The following NKX2-8 variants were observed in gnomAD, a reference collection of about 807,000 sequenced individuals.
NKX2-8 encodes homeobox protein Nkx-2.8.
A neutral mutation model predicts 6.4 loss-of-function variants in NKX2-8; 8 were observed. That is an observed-to-expected ratio of 1.24 (90% confidence interval 0.73 to 2.24). NKX2-8 has a LOEUF of 2.24. Ranked by LOEUF, NKX2-8 falls within the 30% of genes most tolerant of loss-of-function variation. The pLI is 0.00. For synonymous variants in NKX2-8, 216 were observed against 171.5 expected, an observed-to-expected ratio of 1.26 and a Z score of -2.03; for missense variants, 406 against 351.1, an observed-to-expected ratio of 1.16 and a Z score of -1.25.
chr14:36,582,499 G>T lies in NKX2-8; in HGVS notation c.-110C>A. 1.8e-6 allele frequency: 2 copies of T among 1,090,352 alleles called. No homozygotes were observed. The highest frequency in any genetic ancestry group is 1.3e-6 in the Non-Finnish European group (1 of 784,124). The allele number at this position is 1,090,352 out of a possible 1,614,324, so 67.5% of individuals were successfully genotyped here. ...AGGCGCTCGCCATGCGCTGGCAGCC[G>T]GGATATTAGCGCATTTACAGCGGAA... On this transcript the variant is annotated 5_prime_UTR_variant, in exon 1 of 2. Transcript: ENST00000258829.
rs180686469 is a variant in NKX2-8, at chr14:36,580,746, G to A, written c.*156C>T. ...ACACGTCCCTCGTGTGTGCTTGCGC[G>A]ACGGCTGATGAGGGCGCGCCAGGGA... On this transcript the variant is annotated 3_prime_UTR_variant, in exon 2 of 2. Transcript: ENST00000258829. The A allele has an allele frequency of 1.3e-4, 60 of 446,050 alleles. No individual in the cohort carries two copies. The highest frequency in any genetic ancestry group is 1.2e-3 in the African/African-American group (57 of 49,470). 27.6% of individuals were successfully genotyped at this position (446,050 alleles called of 1,614,324 possible). A position where few individuals can be genotyped will look rare whatever the true frequency, so the allele number is the denominator to read the frequency against.
At position 36,581,083 on chromosome 14, in the gene NKX2-8, G is replaced by A; in HGVS notation, c.539C>T (p.Pro180Leu). Reference protein sequence around the residue: ...VVPVLVRDGQPCGGGGGGEVG... With the variant: ...VVPVLVRDGQLCGGGGGGEVG... ...CTCGCCACCGCCGCCGCCGCCGCAC[G>A]GCTGCCCGTCGCGAACAAGCACCGG... The change falls in exon 2 of 2, where the codon CCG (proline) becomes CTG (leucine). Residue 180 changes from proline (P) to leucine (L), a missense_variant. Physicochemically the swap from Pro to Leu is moderately conservative, Grantham distance 98 (BLOSUM62 -3). Transcript: ENST00000258829. The surrounding 1 kb of genome is among the most constrained non-coding windows in gnomAD (Gnocchi z 5.6). 7.1e-7 allele frequency: 1 copy of A among 1,408,814 alleles called. No individual in the cohort carries two copies. The highest frequency in any genetic ancestry group is 9.1e-7 in the Non-Finnish European group (1 of 1,093,514). 87.3% of individuals were successfully genotyped at this position (1,408,814 alleles called of 1,614,324 possible).
rs1879222706 is a variant in NKX2-8 at position 36,581,235 on chromosome 14, C to T, written c.387G>A (p.Lys129=). ...TGTAGCGATGATTCTGGAACCAGAT[C>T]TTGACCTGCGTGGGCGTGAGGCGAA... ...SLLRLTPTQV[K]IWFQNHRYKL... is the part of the protein sequence containing the mutation. Residue 129 remains lysine (K), a synonymous_variant, in exon 2 of 2, where the codon AAG becomes AAA. Transcript: ENST00000258829. The surrounding 1 kb of genome is among the most constrained non-coding windows in gnomAD (Gnocchi z 5.6). 3.1e-6 allele frequency: 5 copies of T among 1,611,082 alleles called. No homozygotes were observed. The highest frequency in any genetic ancestry group is 4.2e-6 in the Non-Finnish European group (5 of 1,179,348).
In NKX2-8 at chr14:36,581,330, C is replaced by G; in HGVS notation, c.292G>C (p.Glu98Gln). ...RVLFSKAQTL[E>Q]LERRFRQQRY... ...TGCTGCCGGAAGCGCCGCTCCAACT[C>G]CAGCGTCTGCGCCTTGGAGAATAGC... Residue 98 changes from glutamate to glutamine, a missense_variant, in exon 2 of 2, where the codon GAG becomes CAG. Coordinates refer to ENST00000258829, the MANE Select transcript of NKX2-8 (RefSeq NM_014360.4). This position sits in a 1 kb window ranked among gnomAD's most constrained non-coding sequence, Gnocchi z 5.6. The G allele has an allele frequency of 6.3e-7, 1 of 1,577,988 alleles. No homozygotes were observed.
At position 36,581,058 on chromosome 14, in the gene NKX2-8, C is replaced by T. The variant is rs1594434412; in HGVS notation, c.564G>A (p.Glu188=). The stretch of plus-strand genomic sequence containing the variant: ...TCTCCTGGGCCGCGGCGGTTCCCAC[C>T]TCGCCACCGCCGCCGCCGCCGCACG... ...GQPCGGGGGG[E]VGTAAAQEKC... is the part of the protein sequence containing the mutation. The change falls in exon 2 of 2, where the codon GAG becomes GAA. Residue 188 remains glutamate (E), a synonymous_variant. Transcript: ENST00000258829. The surrounding 1 kb of genome is among the most constrained non-coding windows in gnomAD (Gnocchi z 5.6). 1 of 1,379,860 alleles carries T rather than the reference C, an allele frequency of 7.2e-7. No homozygotes were observed. The highest frequency in any genetic ancestry group is 2.4e-4 in the Middle Eastern group (1 of 4,214). The allele number at this position is 1,379,860 out of a possible 1,614,324, so 85.5% of individuals were successfully genotyped here.
Position 36,581,148 on chromosome 14 carries a change from C to T in NKX2-8, c.474G>A (p.Glu158=). 1 of 1,564,510 alleles carries T rather than the reference C, an allele frequency of 6.4e-7. No homozygotes were observed. The highest frequency in any genetic ancestry group is 1.2e-5 in the South Asian group (1 of 85,750). Residue 158 remains glutamate, a synonymous_variant, in exon 2 of 2, where the codon GAG becomes GAA. Transcript: ENST00000258829. The surrounding 1 kb of genome is among the most constrained non-coding windows in gnomAD (Gnocchi z 5.6). The part of the protein sequence containing the change: ...AESPDLAASA[E]LHAAPGLLRR... Reference sequence around the variant, plus strand: ...GCAGCAGGCCGGGCGCGGCGTGCAGCTCGGCGGATGCTGCCAGGTCAGGCG... The same window carrying T: ...GCAGCAGGCCGGGCGCGGCGTGCAGTTCGGCGGATGCTGCCAGGTCAGGCG...
chr14:36,580,930 G>T lies in NKX2-8; in HGVS notation c.692C>A (p.Ser231Tyr). 7.5e-7 allele frequency: 1 copy of T among 1,336,572 alleles called. No individual in the cohort carries two copies. 82.8% of individuals were successfully genotyped at this position (1,336,572 alleles called of 1,614,324 possible). Reference protein sequence around the residue: ...GLFPAYQHLASPALVSWNW With the variant: ...GLFPAYQHLAYPALVSWNW Reference sequence around the variant, plus strand: ...CCAGTTCCAGGAGACCAGGGCGGGGGATGCTAAGTGCTGGTAGGCGGGGAA... The same window carrying T: ...CCAGTTCCAGGAGACCAGGGCGGGGTATGCTAAGTGCTGGTAGGCGGGGAA... The change falls in exon 2 of 2, where the codon TCC (serine) becomes TAC (tyrosine). Residue 231 changes from serine (S) to tyrosine (Y), a missense_variant. By Grantham distance (144) the Ser-to-Tyr change is moderately radical. Transcript: ENST00000258829.
chr14:36,581,355 C>T lies in NKX2-8; in HGVS notation c.267G>A (p.Val89=). ...SDAEKRKKRR[V]LFSKAQTLEL... ...CCAGCGTCTGCGCCTTGGAGAATAG[C>T]ACCCGCCGCTTCTTCCTTTTCTCGG... Residue 89 remains valine (V), a synonymous_variant, in exon 2 of 2, where the codon GTG becomes GTA. Transcript: ENST00000258829. The surrounding 1 kb of genome is among the most constrained non-coding windows in gnomAD (Gnocchi z 5.6). 6.4e-7 allele frequency: 1 copy of T among 1,570,334 alleles called. No individual in the cohort carries two copies. Among genetic ancestry groups the T allele is most frequent in the Non-Finnish European group, 8.6e-7 (1 of 1,157,190 alleles).
chr14:36,580,868 A>C lies in NKX2-8; in HGVS notation c.*34T>G. The C allele has an allele frequency of 7.9e-7, 1 of 1,270,066 alleles. No individual in the cohort carries two copies. The allele number at this position is 1,270,066 out of a possible 1,614,324, so 78.7% of individuals were successfully genotyped here. ...GCTCCAATCGCAGAGCGCGCTCCAAAGTCGAGGGTAGCCCCAGGTGCCGCC... is the reference window on the plus strand; with the variant it reads ...GCTCCAATCGCAGAGCGCGCTCCAACGTCGAGGGTAGCCCCAGGTGCCGCC... On this transcript the variant is annotated 3_prime_UTR_variant, in exon 2 of 2. Coordinates refer to ENST00000258829, the MANE Select transcript of NKX2-8 (RefSeq NM_014360.4).
Position 36,581,975 on chromosome 14 carries a change from T to A in NKX2-8, c.157+258A>T. Among the ~76,000 whole-genome samples the A allele has an allele frequency of 6.6e-6, 1 of 151,930 alleles. No individual in the cohort carries two copies. The highest frequency in any genetic ancestry group is 1.9e-4 in the East Asian group (1 of 5,144). ...GCGGCGCGTTTTAAATTTCAATTAT[T>A]CCGACCTCTAGAAATCGTCAGACAC... On this transcript the variant is annotated intron_variant, in intron 1 of 1. Transcript: ENST00000258829. This position sits in a 1 kb window ranked among gnomAD's most constrained non-coding sequence, Gnocchi z 5.6.
Position 36,581,040 on chromosome 14 carries a change from G to T in NKX2-8, c.582C>A (p.Ala194=), listed in dbSNP as rs1950469579. The stretch of plus-strand genomic sequence containing the variant: ...CTGGAGGGGCGCCGCACTTCTCCTG[G>T]GCCGCGGCGGTTCCCACCTCGCCAC... ...GGGGEVGTAA[A]QEKCGAPPAA... The change falls in exon 2 of 2, where the codon GCC becomes GCA. Residue 194 remains alanine (A), a synonymous_variant. Transcript: ENST00000258829. The surrounding 1 kb of genome is among the most constrained non-coding windows in gnomAD (Gnocchi z 5.6). 1 of 1,367,536 alleles carries T rather than the reference G, an allele frequency of 7.3e-7. No homozygotes were observed. The highest frequency in any genetic ancestry group is 9.3e-7 in the Non-Finnish European group (1 of 1,072,264). 84.7% of individuals were successfully genotyped at this position (1,367,536 alleles called of 1,614,324 possible). A position where few individuals can be genotyped will look rare whatever the true frequency, so the allele number is the denominator to read the frequency against.
chr14:36,580,821 C>T lies in NKX2-8; in HGVS notation c.*81G>A, dbSNP rs1357443649. 13 of 1,048,764 alleles carry T rather than the reference C, an allele frequency of 1.2e-5. No homozygotes were observed. The highest frequency in any genetic ancestry group is 1.5e-5 in the Non-Finnish European group (12 of 817,560). The allele number at this position is 1,048,764 out of a possible 1,614,324, so 65.0% of individuals were successfully genotyped here. A position where few individuals can be genotyped will look rare whatever the true frequency, so the allele number is the denominator to read the frequency against. ...TGCAGGGAGGCGGACGGAGAGCGTT[C>T]CAGGCGTTCGGCTCCGGCCCTGCTC... On this transcript the variant is annotated 3_prime_UTR_variant, in exon 2 of 2. Transcript: ENST00000258829.
In NKX2-8 at chr14:36,581,059, T is replaced by TCGCCACCGC. The variant is rs564201727; in HGVS notation, c.554_562dup (p.Gly185_Gly187dup). 15 of 1,379,386 alleles carry TCGCCACCGC rather than the reference T, an allele frequency of 1.1e-5. No homozygotes were observed. The African/African-American group carries it at 1.7e-4, about 15-fold the overall frequency. The allele number at this position is 1,379,386 out of a possible 1,614,324, so 85.4% of individuals were successfully genotyped here. A position where few individuals can be genotyped will look rare whatever the true frequency, so the allele number is the denominator to read the frequency against. ...CTCCTGGGCCGCGGCGGTTCCCACCTCGCCACCGCCGCCGCCGCCGCACGG... is the reference window on the plus strand; with the variant it reads ...CTCCTGGGCCGCGGCGGTTCCCACCTCGCCACCGCCGCCACCGCCGCCGCCGCCGCACGG... On this transcript the variant is annotated inframe_insertion, in exon 2 of 2. Transcript: ENST00000258829. The surrounding 1 kb of genome is among the most constrained non-coding windows in gnomAD (Gnocchi z 5.6).
chr14:36,580,888 G>A lies in NKX2-8; in HGVS notation c.*14C>T. Reference sequence around the variant, plus strand: ...TCCAAAGTCGAGGGTAGCCCCAGGTGCCGCCCTGCGGCCTCACCAGTTCCA... The same window carrying A: ...TCCAAAGTCGAGGGTAGCCCCAGGTACCGCCCTGCGGCCTCACCAGTTCCA... On this transcript the variant is annotated 3_prime_UTR_variant, in exon 2 of 2. Transcript: ENST00000258829. 1 of 1,294,582 alleles carries A rather than the reference G, an allele frequency of 7.7e-7. No homozygotes were observed. The highest frequency in any genetic ancestry group is 2.9e-4 in the Middle Eastern group (1 of 3,436). The allele number at this position is 1,294,582 out of a possible 1,614,324, so 80.2% of individuals were successfully genotyped here. A position where few individuals can be genotyped will look rare whatever the true frequency, so the allele number is the denominator to read the frequency against.
rs1879254528 is a variant in NKX2-8 at position 36,581,893 on chromosome 14, G to C, written c.157+340C>G. On this transcript the variant is annotated intron_variant, in intron 1 of 1. Coordinates refer to ENST00000258829, the MANE Select transcript of NKX2-8 (RefSeq NM_014360.4). This position sits in a 1 kb window ranked among gnomAD's most constrained non-coding sequence, Gnocchi z 5.6. ...CATCCCAGACGGAGGCCTGGAGATC[G>C]TGGCCGTGTTTTCAGGCATGGAGAG... Among the ~76,000 whole-genome samples, 1 of 145,832 alleles carries C rather than the reference G, an allele frequency of 6.9e-6. No individual in the cohort carries two copies.
At position 36,580,358 on chromosome 14, in the gene NKX2-8, C is replaced by A. The variant is rs888634049; in HGVS notation, c.*544G>T. 3.3e-5 allele frequency among the ~76,000 whole-genome samples: 5 copies of A among 152,092 alleles called. No individual in the cohort carries two copies. The highest frequency in any genetic ancestry group is 7.4e-5 in the Non-Finnish European group (5 of 68,020). Reference sequence around the variant, plus strand: ...CTCAGCTTCCTCCTCTCCTTTTCTTCCCGCGCCCAACCCTGACATCACCAC... The same window carrying A: ...CTCAGCTTCCTCCTCTCCTTTTCTTACCGCGCCCAACCCTGACATCACCAC... On this transcript the variant is annotated 3_prime_UTR_variant, in exon 2 of 2. Transcript: ENST00000258829.
rs1053611388 is a variant in NKX2-8 at position 36,580,341 on chromosome 14, C to T, written c.*561G>A. ...AAGAATCCCAAAGTTGCCTCAGCTT[C>T]CTCCTCTCCTTTTCTTCCCGCGCCC... On this transcript the variant is annotated 3_prime_UTR_variant, in exon 2 of 2. Coordinates refer to ENST00000258829, the MANE Select transcript of NKX2-8 (RefSeq NM_014360.4). Among the ~76,000 whole-genome samples the T allele has an allele frequency of 1.3e-5, 2 of 152,134 alleles. No individual in the cohort carries two copies. The highest frequency in any genetic ancestry group is 2.4e-5 in the African/African-American group (1 of 41,432).
At position 36,581,090 on chromosome 14, in the gene NKX2-8, C is replaced by A. The variant is rs555505864; in HGVS notation, c.532G>T (p.Gly178Trp). The change falls in exon 2 of 2, where the codon GGG (glycine) becomes TGG (tryptophan). Residue 178 changes from glycine (G) to tryptophan (W), a missense_variant. Transcript: ENST00000258829. This position sits in a 1 kb window ranked among gnomAD's most constrained non-coding sequence, Gnocchi z 5.6. ...CCGCCGCCGCCGCCGCACGGCTGCC[C>A]GTCGCGAACAAGCACCGGCACCACC... ...RVVVPVLVRD[G>W]QPCGGGGGGE... 4 of 1,414,422 alleles carry A rather than the reference C, an allele frequency of 2.8e-6. No individual in the cohort carries two copies. Among genetic ancestry groups the A allele is most frequent in the East Asian group, 3.0e-5 (1 of 33,518 alleles). 87.6% of individuals were successfully genotyped at this position (1,414,422 alleles called of 1,614,324 possible). A position where few individuals can be genotyped will look rare whatever the true frequency, so the allele number is the denominator to read the frequency against.
At position 36,580,879 on chromosome 14, in the gene NKX2-8, G is replaced by GC. The variant is rs1566631899; in HGVS notation, c.*22dup. The GC allele has an allele frequency of 7.8e-7, 1 of 1,285,374 alleles. No individual in the cohort carries two copies. The highest frequency in any genetic ancestry group is 9.8e-7 in the Non-Finnish European group (1 of 1,019,796). 79.6% of individuals were successfully genotyped at this position (1,285,374 alleles called of 1,614,324 possible). A position where few individuals can be genotyped will look rare whatever the true frequency, so the allele number is the denominator to read the frequency against. ...AGAGCGCGCTCCAAAGTCGAGGGTA[G>GC]CCCCAGGTGCCGCCCTGCGGCCTCA... On this transcript the variant is annotated 3_prime_UTR_variant, in exon 2 of 2. Coordinates refer to ENST00000258829, the MANE Select transcript of NKX2-8 (RefSeq NM_014360.4).
Sources: allele counts gnomAD v4.1 joint callset (sites outside exome capture counted in the v4.1 genomes callset), GRCh38; gene constraint gnomAD v4.1.1; non-coding constraint Gnocchi (gnomAD v3.1); transcripts MANE v1.5; gene names NCBI Gene and HGNC (gene_info 2026-07-23, HGNC 2026-07-21).